Variants in ANGPT4 observed in about 807,000 individuals in gnomAD.
The protein encoded by ANGPT4 is angiopoietin 4.
Under a neutral mutation model 53.0 loss-of-function variants are expected in ANGPT4, and 50 were observed. The ratio of observed to expected loss-of-function variants is 0.94; its 90% CI spans 0.75 to 1.20. The LOEUF is 1.20. ANGPT4 is among the 50% of genes most tolerant of loss of function. ANGPT4 has a pLI of 0.00. For missense variants in ANGPT4, 648 were observed against 637.1 expected (o/e 1.02, Z -0.18); for synonymous variants, 251 against 259.7 (o/e 0.97, Z 0.32).
chr20:915,046 T>C lies in ANGPT4; in HGVS notation c.309+860A>G, dbSNP rs374124814. On this transcript the variant is annotated intron_variant, in intron 1 of 8. Transcript: ENST00000381922. ...ACACCCCCTCCTAGCCCCGTTCTGC[T>C]CCAGGCCTCCGGTACCTTGCACCTG... Among the ~76,000 whole-genome samples, 10 of 152,106 alleles carry C rather than the reference T, an allele frequency of 6.6e-5. 1 individual carries two copies. Among genetic ancestry groups the C allele is most frequent in the East Asian group, 3.9e-4 (2 of 5,188 alleles).
At chr20:874,486 TC>T in intron 7 of ANGPT4, 72 bp from the exon 8 acceptor site, 1 of 1,583,064 alleles carries the variant, frequency 6.3e-7, no homozygotes. Context: ...AGCAAGAACT[TC>T]CCCAGTGGCT....
At chr20:890,791 C>A (rs1490586618) in intron 1 of ANGPT4, among the ~76,000 whole-genome samples, 1 of 152,190 alleles carries the variant, frequency 6.6e-6, no homozygotes, top group East Asian at 1.9e-4. Context: ...CTCCCTCACT[C>A]ACTTCAATCC....
intron 4 of ANGPT4, among the ~76,000 whole-genome samples, chr20:884,156 C>T (rs962856988): frequency 1.3e-5 from 2 of 152,216 alleles, no homozygotes; most frequent in Non-Finnish European, 2.9e-5. Flanking sequence ...TGAAAGTAGT[C>T]CCACTCTGTT....
chr20:881,531 G>T (rs1434058797), intron 4 of ANGPT4, among the ~76,000 whole-genome samples: 1 of 152,212 alleles, frequency 6.6e-6, no homozygotes, highest in Non-Finnish European at 1.5e-5. Flanking sequence ...ATATGCAAAG[G>T]CCCCAAGGTA....
Position 890,307 on chromosome 20 carries a change from G to A in ANGPT4, c.371C>T (p.Ala124Val). ...TAGCATGGGGGCCGTCTGATTCTGG[G>A]CCATTTGCTGCTGGACCTGCTCCAG... ...SKLEQVQQQM[A>V]QNQTAPMLEL... Residue 124 changes from alanine to valine, a missense_variant, in exon 2 of 9, where the codon GCC (alanine) becomes GTC (valine). Physicochemically the swap from Ala to Val is moderately conservative, Grantham distance 64. Transcript: ENST00000381922. 6.2e-7 allele frequency: 1 copy of A among 1,613,822 alleles called. No individual in the cohort carries two copies. Among genetic ancestry groups the A allele is most frequent in the Non-Finnish European group, 8.5e-7 (1 of 1,179,976 alleles).
At position 872,248 on chromosome 20, in the gene ANGPT4, T is replaced by C. The variant is rs997272062; in HGVS notation, c.*712A>G. 1.3e-5 allele frequency: 2 copies of C among 152,244 alleles called. No individual in the cohort carries two copies. Among genetic ancestry groups the C allele is most frequent in the African/African-American group, 2.4e-5 (1 of 41,458 alleles). The allele number at this position is 152,244 out of a possible 1,614,324, so 9.4% of individuals were successfully genotyped here. On this transcript the variant is annotated 3_prime_UTR_variant, in exon 9 of 9. Coordinates refer to ENST00000381922, the MANE Select transcript of ANGPT4 (RefSeq NM_015985.4). ...AGAGACAAGCCATAGTTATTCCCTG[T>C]GACACATCCTCTAGGACATGCTGGA...
chr20:909,269 G>T (rs1368671983), intron 1 of ANGPT4, among the ~76,000 whole-genome samples: 2 of 152,128 alleles, frequency 1.3e-5, no homozygotes, highest in African/African-American at 4.8e-5. Context: ...CCCCAGCAAA[G>T]CACTTATCCC....
intron 1 of ANGPT4, among the ~76,000 whole-genome samples, chr20:901,122 T>A (rs769795422): frequency 2.6e-5 from 4 of 152,100 alleles, no homozygotes; most frequent in Non-Finnish European, 4.4e-5. Context: ...CCATACCACC[T>A]CCAAAAATTT....
Position 879,765 on chromosome 20 carries a change from G to A in ANGPT4, c.1035C>T (p.Asn345=), listed in dbSNP as rs139633349. 1.5e-4 allele frequency: 236 copies of A among 1,613,658 alleles called. No individual in the cohort carries two copies. In the African/African-American group the frequency reaches 2.8e-3, roughly 19 times the overall value. ...RENGTVNFQR[N]WKDYKQGFGD... ...GGGCTACCTGTTTGTAATCCTTCCA[G>A]TTCCGCTGAAAATTCACGGTGCCAT... is the stretch of plus-strand genomic sequence containing the variant. The change falls in exon 6 of 9, where the codon AAC becomes AAT. Residue 345 remains asparagine, a synonymous_variant. Transcript: ENST00000381922.
intron 4 of ANGPT4, among the ~76,000 whole-genome samples, chr20:882,037 G>A: frequency 6.6e-6 from 1 of 152,174 alleles, no homozygotes; most frequent in East Asian, 1.9e-4. Context: ...TGGGTGGGAA[G>A]CTGTGGGCTC....
chr20:898,276 C>T (rs1982134074), intron 1 of ANGPT4, among the ~76,000 whole-genome samples: 1 of 152,188 alleles, frequency 6.6e-6, no homozygotes, highest in Admixed American at 6.5e-5. Context: ...CTCCCCTGCT[C>T]ACACCCAGTC....
At chr20:884,959 G>A (rs977480002) in intron 4 of ANGPT4, 119 bp downstream of exon 4, 1 of 1,378,474 alleles carries the variant, frequency 7.3e-7, no homozygotes, top group East Asian at 2.4e-5. Flanking sequence ...ACAGATGGTC[G>A]GGGAGGGTGG....
chr20:885,498 C>T (rs903587473), intron 3 of ANGPT4, among the ~76,000 whole-genome samples, 173 bp from the exon 4 acceptor site: 2 of 152,106 alleles, frequency 1.3e-5, no homozygotes. Context: ...AGATACCCGG[C>T]CCTGGAGTAA....
rs41282974 is a variant in ANGPT4 at position 881,101 on chromosome 20, G to T, written c.951+70C>A. 6.4e-3 allele frequency: 7,987 copies of T among 1,241,460 alleles called. 416 individuals carry two copies. The African/African-American group carries it at 0.11, about 17-fold the overall frequency. 76.9% of individuals were successfully genotyped at this position (1,241,460 alleles called of 1,614,324 possible). On this transcript the variant is annotated intron_variant, in intron 5 of 8. Coordinates refer to ENST00000381922, the MANE Select transcript of ANGPT4 (RefSeq NM_015985.4). ...ACAAAGCCTGATCCCGATGGGGTGC[G>T]GGGTGTCTGTTTGGGAAGCCCTTGG...
At position 879,756 on chromosome 20, in the gene ANGPT4, A is replaced by T; in HGVS notation, c.1044T>A (p.Asp348Glu). 6.2e-7 allele frequency: 1 copy of T among 1,613,378 alleles called. No homozygotes were observed. The highest frequency in any genetic ancestry group is 8.5e-7 in the Non-Finnish European group (1 of 1,179,634). The change falls in exon 6 of 9, where the codon GAT (aspartate) becomes GAA (glutamate). Residue 348 changes from aspartate (D) to glutamate (E), a missense_variant. Physicochemically the swap from Asp to Glu is conservative, Grantham distance 45. Transcript: ENST00000381922. ...AAGGCAGCAGGGCTACCTGTTTGTA[A>T]TCCTTCCAGTTCCGCTGAAAATTCA... ...GTVNFQRNWK[D>E]YKQGFGDPAG... is the part of the protein sequence containing the mutation.
chr20:915,807 T>C, intron 1 of ANGPT4, 99 bp downstream of exon 1: 2 of 1,400,142 alleles, frequency 1.4e-6, no homozygotes, highest in Non-Finnish European at 1.9e-6. Flanking sequence ...GACAGCCCTC[T>C]GTGCTCAGGG....
chr20:901,525 C>A (rs1253085361), intron 1 of ANGPT4, among the ~76,000 whole-genome samples: 1 of 152,204 alleles, frequency 6.6e-6, no homozygotes, highest in Non-Finnish European at 1.5e-5. Flanking sequence ...AGTCCACCTG[C>A]ACTCAGGTGA....
At chr20:876,191 TG>T (rs961017384) in intron 7 of ANGPT4, among the ~76,000 whole-genome samples, 1 of 139,942 alleles carries the variant, frequency 7.1e-6, no homozygotes, top group African/African-American at 2.6e-5. Context: ...TGGAGGCAAG[TG>T]GGTGGCAGAT....
intron 1 of ANGPT4, among the ~76,000 whole-genome samples, chr20:913,491 T>G (rs375720671): frequency 2.6e-5 from 4 of 152,212 alleles, no homozygotes; most frequent in African/African-American, 9.6e-5. Flanking sequence ...TACGGTGACC[T>G]GACTGACCCT....
Sources: allele counts gnomAD v4.1 joint callset (sites outside exome capture counted in the v4.1 genomes callset), GRCh38; gene constraint gnomAD v4.1.1; transcripts MANE v1.5; gene names NCBI Gene and HGNC (gene_info 2026-07-23, HGNC 2026-07-21).